Variants in CCDC85A observed in about 807,000 individuals in gnomAD.
CCDC85A encodes the protein coiled-coil domain-containing protein 85A.
Under a neutral mutation model 50.2 loss-of-function variants are expected in CCDC85A, and 38 were observed. The ratio of observed to expected loss-of-function variants is 0.76; its 90% CI spans 0.58 to 0.99. The LOEUF (loss-of-function observed/expected upper bound fraction) is 0.99, where lower values mean the gene tolerates loss of function less well. CCDC85A is among the 50% of genes least tolerant of loss of function. CCDC85A has a pLI of 0.00. For synonymous variants in CCDC85A, 366 were observed against 301.4 expected, an observed-to-expected ratio of 1.21 and a Z score of -2.22; for missense variants, 820 against 742.0, an observed-to-expected ratio of 1.11 and a Z score of -1.22.
At chr2:56,354,182 A>T (rs1371393141) in intron 3 of CCDC85A, among the ~76,000 whole-genome samples, 1 of 152,224 alleles carries the variant, frequency 6.6e-6, no homozygotes, top group African/African-American at 2.4e-5. Context: ...AAATGCTAAA[A>T]AGTTAACTTT....
chr2:56,327,368 C>T (rs1212664495), intron 2 of CCDC85A, among the ~76,000 whole-genome samples: 1 of 152,090 alleles, frequency 6.6e-6, no homozygotes, highest in South Asian at 2.1e-4. Flanking sequence ...TAAAAGGGAA[C>T]ACTTCCAACC....
chr2:56,316,216 G>A (rs547050288), intron 2 of CCDC85A, among the ~76,000 whole-genome samples: 8 of 152,282 alleles, frequency 5.3e-5, no homozygotes, highest in East Asian at 3.9e-4. Context: ...CTGCTCCAGC[G>A]TCAAATTTGG....
chr2:56,223,388 C>G (rs1039163351), intron 2 of CCDC85A, among the ~76,000 whole-genome samples: 1 of 152,078 alleles, frequency 6.6e-6, no homozygotes, highest in African/African-American at 2.4e-5. Context: ...ATTACTTGTT[C>G]CAATAAAACT....
rs577667550 is a variant in CCDC85A at position 56,203,953 on chromosome 2, G to A, written c.1240+10513G>A. On this transcript the variant is annotated intron_variant, in intron 2 of 5. Coordinates refer to ENST00000407595, the MANE Select transcript of CCDC85A (RefSeq NM_001080433.2). ...ATAACGGCATGCCTACCCAGCTGGA[G>A]TAGATTCGGGACTGGCTTTGCCACT... Among the ~76,000 whole-genome samples, 5 of 152,294 alleles carry A rather than the reference G, an allele frequency of 3.3e-5. No homozygotes were observed. The South Asian group carries it at 1.0e-3, about 32-fold the overall frequency.
At chr2:56,351,568 A>T (rs1484521993) in intron 3 of CCDC85A, among the ~76,000 whole-genome samples, 4 of 141,494 alleles carry the variant, frequency 2.8e-5, no homozygotes, top group African/African-American at 1.1e-4. Context: ...ATGGTATCTC[A>T]TTGTGGTTTT....
intron 3 of CCDC85A, among the ~76,000 whole-genome samples, chr2:56,365,489 C>A (rs1007782656): frequency 6.6e-6 from 1 of 152,102 alleles, no homozygotes; most frequent in East Asian, 1.9e-4. Flanking sequence ...CTAGGATCAT[C>A]TGGATCTCTC....
In CCDC85A at chr2:56,384,275, A is replaced by G. The variant is rs771414890; in HGVS notation, c.1582A>G (p.Arg528Gly). The change falls in exon 6 of 6, where the codon AGG becomes GGG. Residue 528 changes from arginine to glycine, a missense_variant. Coordinates refer to ENST00000407595, the MANE Select transcript of CCDC85A (RefSeq NM_001080433.2). ...TCTTTTTTTTTTTAAGGTTGTGTGGAGGAAACTTGGAGATGCTGCAGGTTC... is the reference window on the plus strand; with the variant it reads ...TCTTTTTTTTTTTAAGGTTGTGTGGGGGAAACTTGGAGATGCTGCAGGTTC... ...PVVHSLKVVW[R>G]KLGDAAGSCP... 1.9e-6 allele frequency: 3 copies of G among 1,610,048 alleles called. No homozygotes were observed. The African/African-American group carries it at 4.0e-5, about 22-fold the overall frequency.
At chr2:56,305,962 A>T (rs1018056472) in intron 2 of CCDC85A, among the ~76,000 whole-genome samples, 1 of 152,140 alleles carries the variant, frequency 6.6e-6, no homozygotes, top group Non-Finnish European at 1.5e-5. Flanking sequence ...CCAAGAAGTG[A>T]TTCTCTTGTC....
chr2:56,277,273 C>A (rs1303530978), intron 2 of CCDC85A, among the ~76,000 whole-genome samples: 1 of 152,078 alleles, frequency 6.6e-6, no homozygotes, highest in Non-Finnish European at 1.5e-5. Flanking sequence ...TCTTTCATGA[C>A]CTATCATCTT....
At chr2:56,211,718 G>T (rs909405182) in intron 2 of CCDC85A, among the ~76,000 whole-genome samples, 1 of 151,850 alleles carries the variant, frequency 6.6e-6, no homozygotes, top group African/African-American at 2.4e-5. Context: ...ACAAATTTGG[G>T]CAACTTATTT....
intron 2 of CCDC85A, among the ~76,000 whole-genome samples, chr2:56,200,022 C>G (rs1016909025): frequency 6.6e-6 from 1 of 152,184 alleles, no homozygotes; most frequent in African/African-American, 2.4e-5. Context: ...GCGCACACCA[C>G]CACGCCTAGC....
intron 2 of CCDC85A, among the ~76,000 whole-genome samples, chr2:56,307,859 G>C (rs1672513565): frequency 1.3e-5 from 2 of 152,208 alleles, no homozygotes; most frequent in Non-Finnish European, 2.9e-5. Flanking sequence ...ATAGGACTGA[G>C]TGCTTCGAGC....
In CCDC85A at chr2:56,288,525, G is replaced by T. The variant is rs1332142203; in HGVS notation, c.1241-54354G>T. ...TCTGCATGCATATTTTAGCCTCAAAGAGTGTGTCTAATTAGGTACTTTTGA... is the reference window on the plus strand; with the variant it reads ...TCTGCATGCATATTTTAGCCTCAAATAGTGTGTCTAATTAGGTACTTTTGA... On this transcript the variant is annotated intron_variant, in intron 2 of 5. Coordinates refer to ENST00000407595, the MANE Select transcript of CCDC85A (RefSeq NM_001080433.2). 1.3e-5 allele frequency among the ~76,000 whole-genome samples: 2 copies of T among 152,184 alleles called. 1 individual carries two copies. Among genetic ancestry groups the T allele is most frequent in the South Asian group, 4.2e-4 (2 of 4,818 alleles).
chr2:56,370,162 A>G (rs1401671239), intron 3 of CCDC85A, among the ~76,000 whole-genome samples: 1 of 152,154 alleles, frequency 6.6e-6, no homozygotes, highest in African/African-American at 2.4e-5. Flanking sequence ...TGTTCTCCCA[A>G]TTAGTGACCA....
Position 56,184,530 on chromosome 2 carries a change from A to C in CCDC85A, c.-95A>C. The C allele has an allele frequency of 2.4e-6, 3 of 1,273,244 alleles. No individual in the cohort carries two copies. The highest frequency in any genetic ancestry group is 2.0e-5 in the South Asian group (1 of 49,318). 78.9% of individuals were successfully genotyped at this position (1,273,244 alleles called of 1,614,324 possible). A position where few individuals can be genotyped will look rare whatever the true frequency, so the allele number is the denominator to read the frequency against. On this transcript the variant is annotated 5_prime_UTR_variant, in exon 1 of 6. Coordinates refer to ENST00000407595, the MANE Select transcript of CCDC85A (RefSeq NM_001080433.2). ...CGGTGCCGCTGACTCGCCGGAGCGC[A>C]CAGGGGTGTGGGCGGAGGCGGCCTC...
intron 3 of CCDC85A, among the ~76,000 whole-genome samples, chr2:56,362,329 AC>A (rs755322094): frequency 1.2e-4 from 19 of 152,124 alleles, no homozygotes; most frequent in Non-Finnish European, 2.4e-4. Context: ...GAGGTGTTGG[AC>A]ATCAACAAGG....
At chr2:56,339,918 G>A (rs1020046016) in intron 2 of CCDC85A, among the ~76,000 whole-genome samples, 3 of 152,192 alleles carry the variant, frequency 2.0e-5, no homozygotes, top group African/African-American at 7.2e-5. Context: ...CTCTTTGGAA[G>A]AGTCCATAAA....
At chr2:56,358,843 G>A (rs376065334) in intron 3 of CCDC85A, among the ~76,000 whole-genome samples, 2 of 151,090 alleles carry the variant, frequency 1.3e-5, no homozygotes, top group Admixed American at 1.3e-4. Context: ...GGAGTACAGT[G>A]GCACGATCTT....
At chr2:56,240,285 C>G (rs1301188161) in intron 2 of CCDC85A, among the ~76,000 whole-genome samples, 5 of 152,112 alleles carry the variant, frequency 3.3e-5, no homozygotes, top group Non-Finnish European at 7.4e-5. Context: ...TGTGATCAAT[C>G]AGATTGGCCG....
Sources: gnomAD v4.1 joint callset for allele counts (sites outside exome capture counted in the v4.1 genomes callset) on GRCh38, gnomAD v4.1.1 for gene constraint, MANE v1.5 for transcripts, NCBI Gene and HGNC (gene_info 2026-07-23, HGNC 2026-07-21) for gene names.